The following KCNAB1 variants were observed in gnomAD, a reference collection of about 807,000 sequenced individuals.
KCNAB1 encodes potassium voltage-gated channel subfamily A regulatory beta subunit 1.
Under a neutral mutation model 64.6 loss-of-function variants are expected in KCNAB1, and 35 were observed. That is an observed-to-expected ratio of 0.54 (90% CI 0.41 to 0.72). The LOEUF (loss-of-function observed/expected upper bound fraction) is 0.72, where lower values mean the gene tolerates loss of function less well. Ranked by LOEUF, KCNAB1 falls within the 30% of genes least tolerant of loss-of-function variation. The pLI, the probability that KCNAB1 is intolerant of heterozygous loss-of-function variation, is 0.00. For synonymous variants in KCNAB1, 177 were observed against 183.8 expected, an observed-to-expected ratio of 0.96 and a Z score of 0.30; for missense variants, 401 against 512.9, an observed-to-expected ratio of 0.78 and a Z score of 2.11.
intron 1 of KCNAB1, among the ~76,000 whole-genome samples, chr3:156,160,433 C>T (rs1716007313): frequency 6.6e-6 from 1 of 152,154 alleles, no homozygotes; most frequent in African/African-American, 2.4e-5. Context: ...TCTTCTCCAT[C>T]TCCTCCTCCT....
intron 1 of KCNAB1, among the ~76,000 whole-genome samples, chr3:156,316,224 G>C (rs763427612): frequency 6.6e-6 from 1 of 152,176 alleles, no homozygotes; most frequent in Non-Finnish European, 1.5e-5. Context: ...GAGAAGCCAG[G>C]TGGCTTAGAA....
Position 156,176,160 on chromosome 3 carries a change from T to G in KCNAB1, c.275+55274T>G. Reference sequence around the variant, plus strand: ...CCCAGACACGAACTGTATTGTCCATTGCATTGGACAAGAGATAAGAACCTT... The same window carrying G: ...CCCAGACACGAACTGTATTGTCCATGGCATTGGACAAGAGATAAGAACCTT... On this transcript the variant is annotated intron_variant, in intron 1 of 13. Transcript: ENST00000490337. 3.9e-6 allele frequency: 3 copies of G among 772,070 alleles called. No homozygotes were observed. In the East Asian group the frequency reaches 7.3e-5, roughly 19 times the overall value. 47.8% of individuals were successfully genotyped at this position (772,070 alleles called of 1,614,324 possible).
chr3:156,241,525 G>A (rs1717163591), intron 1 of KCNAB1, among the ~76,000 whole-genome samples: 1 of 152,076 alleles, frequency 6.6e-6, no homozygotes. Flanking sequence ...TGGTCTGAGT[G>A]TTTCTCTTTC....
chr3:156,139,345 AGAGGGACACATGG>A (rs1159540976), intron 1 of KCNAB1, among the ~76,000 whole-genome samples: 1 of 152,158 alleles, frequency 6.6e-6, no homozygotes, highest in African/African-American at 2.4e-5. Context: ...GGACAGAATG[AGAGGGACACATGG>A]GAGAGGGCTC....
intron 1 of KCNAB1, among the ~76,000 whole-genome samples, chr3:156,260,812 G>A (rs1016361663): frequency 1.3e-5 from 2 of 152,126 alleles, no homozygotes; most frequent in Admixed American, 6.6e-5. Flanking sequence ...AGTGTTTAAG[G>A]ACTTGCCAAA....
intron 11 of KCNAB1, 40 bp from the exon 12 acceptor site, chr3:156,523,787 T>G: frequency 6.3e-7 from 1 of 1,579,492 alleles, no homozygotes; most frequent in Non-Finnish European, 8.6e-7. Flanking sequence ...CATCAGATCT[T>G]TACCAGACAT....
At chr3:156,248,751 T>C (rs964279692) in intron 1 of KCNAB1, among the ~76,000 whole-genome samples, 2 of 152,184 alleles carry the variant, frequency 1.3e-5, no homozygotes, top group African/African-American at 2.4e-5. Flanking sequence ...AGAAACATGG[T>C]AGACAAGCTT....
chr3:156,486,525 A>G (rs1439929009), intron 8 of KCNAB1, among the ~76,000 whole-genome samples: 2 of 152,120 alleles, frequency 1.3e-5, no homozygotes, highest in Non-Finnish European at 2.9e-5. Context: ...ACTGGGGAGC[A>G]TAGTGGCCTA....
intron 2 of KCNAB1, among the ~76,000 whole-genome samples, chr3:156,440,880 T>C (rs774566675): frequency 1.3e-5 from 2 of 152,192 alleles, no homozygotes; most frequent in African/African-American, 4.8e-5. Context: ...GAGTGTAATA[T>C]GGTTGGGAAC....
chr3:156,239,342 A>G (rs115607673), intron 1 of KCNAB1, among the ~76,000 whole-genome samples: 2 of 152,204 alleles, frequency 1.3e-5, no homozygotes, highest in Non-Finnish European at 2.9e-5. Flanking sequence ...ACTCAAAGGT[A>G]GTAGTTTGTA....
chr3:156,322,292 C>G (rs534449697), intron 1 of KCNAB1, among the ~76,000 whole-genome samples: 1 of 152,122 alleles, frequency 6.6e-6, no homozygotes, highest in Non-Finnish European at 1.5e-5. Flanking sequence ...GTTAAATGAA[C>G]GTTTGATGTG....
intron 1 of KCNAB1, among the ~76,000 whole-genome samples, chr3:156,271,902 A>T (rs772633454): frequency 6.6e-6 from 1 of 152,240 alleles, no homozygotes; most frequent in Non-Finnish European, 1.5e-5. Flanking sequence ...CACTGCAGCC[A>T]TATCTGCATT....
chr3:156,470,816 T>C (rs1320703604), intron 7 of KCNAB1, among the ~76,000 whole-genome samples: 1 of 152,234 alleles, frequency 6.6e-6, no homozygotes, highest in Admixed American at 6.5e-5. Flanking sequence ...ATTTTTCAAT[T>C]AAAGAATACA....
chr3:156,153,645 G>A (rs1715546892), intron 1 of KCNAB1, among the ~76,000 whole-genome samples: 1 of 152,222 alleles, frequency 6.6e-6, no homozygotes, highest in South Asian at 2.1e-4. Flanking sequence ...CAAAAACGCT[G>A]ACCTCTCACA....
intron 8 of KCNAB1, among the ~76,000 whole-genome samples, chr3:156,495,866 G>A (rs888831734): frequency 2.0e-5 from 3 of 152,132 alleles, no homozygotes; most frequent in African/African-American, 7.2e-5. Flanking sequence ...ATGTAAGGGA[G>A]CATCTCAAAA....
At chr3:156,224,715 G>T (rs1013279223) in intron 1 of KCNAB1, among the ~76,000 whole-genome samples, 3 of 152,090 alleles carry the variant, frequency 2.0e-5, no homozygotes, top group African/African-American at 7.2e-5. Flanking sequence ...ATCCAAATGA[G>T]CTCCATTAGA....
At position 156,200,671 on chromosome 3, in the gene KCNAB1, C is replaced by G. The variant is rs575245637; in HGVS notation, c.275+79785C>G. 2.0e-5 allele frequency among the ~76,000 whole-genome samples: 3 copies of G among 152,150 alleles called. No individual in the cohort carries two copies. In the East Asian group the frequency reaches 5.8e-4, roughly 29 times the overall value. On this transcript the variant is annotated intron_variant, in intron 1 of 13. Coordinates refer to ENST00000490337, the MANE Select transcript of KCNAB1 (RefSeq NM_172160.3). ...CAGATGCCCCTCCCCTCACCAAGCT[C>G]GATCATCCCAGGTCAACTTCAGACT...
In KCNAB1 at chr3:156,457,044, G is replaced by A. The variant is rs140406099; in HGVS notation, c.358-409G>A. On this transcript the variant is annotated intron_variant, in intron 3 of 13. Coordinates refer to ENST00000490337, the MANE Select transcript of KCNAB1 (RefSeq NM_172160.3). ...CAAGGAAAAAGTCACAAGCTTTCAG[G>A]TCAGGAGTCATCCAGCTGCCAAAAG... 3.1e-4 allele frequency: 65 copies of A among 207,218 alleles called. 1 individual carries two copies. In the East Asian group the frequency reaches 0.01, roughly 33 times the overall value. The allele number at this position is 207,218 out of a possible 1,614,324, so 12.8% of individuals were successfully genotyped here. A position where few individuals can be genotyped will look rare whatever the true frequency, so the allele number is the denominator to read the frequency against.
intron 1 of KCNAB1, among the ~76,000 whole-genome samples, chr3:156,318,260 C>G (rs1046176289): frequency 3.9e-5 from 6 of 152,164 alleles, no homozygotes; most frequent in Non-Finnish European, 8.8e-5. Context: ...TGAAAATACT[C>G]AGTTTTCATT....
Sources: allele counts gnomAD v4.1 joint callset (sites outside exome capture counted in the v4.1 genomes callset), GRCh38; gene constraint gnomAD v4.1.1; transcripts MANE v1.5; gene names NCBI Gene and HGNC (gene_info 2026-07-23, HGNC 2026-07-21).